Variants in ZFYVE1 observed in about 807,000 individuals in gnomAD.
ZFYVE1 encodes the protein zinc finger FYVE-type containing 1.
A neutral mutation model predicts 74.4 loss-of-function variants in ZFYVE1; 30 were observed. That is an observed-to-expected ratio of 0.40 (90% CI 0.30 to 0.55). The LOEUF (loss-of-function observed/expected upper bound fraction) is 0.55, where lower values mean the gene tolerates loss of function less well. Among genes scored for constraint, ZFYVE1 ranks in the 20% least tolerant of loss-of-function variants. ZFYVE1 has a pLI of 0.42. For synonymous variants in ZFYVE1, 335 were observed against 385.1 expected, an observed-to-expected ratio of 0.87 and a Z score of 1.52; for missense variants, 703 against 1,011.6, an observed-to-expected ratio of 0.69 and a Z score of 4.14.
rs747141523 is a variant in ZFYVE1 at position 73,017,948 on chromosome 14, G to A, written c.483+6078C>T. Among the ~76,000 whole-genome samples the A allele has an allele frequency of 5.6e-4, 85 of 152,104 alleles. 1 individual carries two copies. Among genetic ancestry groups the A allele is most frequent in the Non-Finnish European group, 1.0e-3 (68 of 68,030 alleles). ...ATCCACTTACTTCTACAGCCTGCACGGCCTCCCATGCATTGGCACCTGCTT... is the reference window on the plus strand; with the variant it reads ...ATCCACTTACTTCTACAGCCTGCACAGCCTCCCATGCATTGGCACCTGCTT... On this transcript the variant is annotated intron_variant, in intron 2 of 11. Coordinates refer to ENST00000556143, the MANE Select transcript of ZFYVE1 (RefSeq NM_021260.4).
At chr14:72,999,918 G>A (rs113918737) in intron 2 of ZFYVE1, among the ~76,000 whole-genome samples, 6 of 151,928 alleles carry the variant, frequency 3.9e-5, no homozygotes, top group Non-Finnish European at 8.8e-5. Flanking sequence ...AAAATTAGCA[G>A]AGTGTGGTGG....
intron 1 of ZFYVE1, among the ~76,000 whole-genome samples, chr14:73,025,612 C>T (rs1894442641): frequency 6.8e-6 from 1 of 147,794 alleles, no homozygotes; most frequent in Non-Finnish European, 1.5e-5. Context: ...AGGAGAATCA[C>T]TTGAACCCAG....
rs747414442 is a variant in ZFYVE1 at position 73,024,054 on chromosome 14, A to G, written c.455T>C (p.Leu152Pro). The G allele has an allele frequency of 6.2e-7, 1 of 1,614,092 alleles. No individual in the cohort carries two copies. The highest frequency in any genetic ancestry group is 8.5e-7 in the Non-Finnish European group (1 of 1,180,026). ...AATTTCTTCATTTTCGTCTACTAGG[A>G]GGAAACTCACAACCTTCTCAGTCAT... ...KKMTEKVVSFLLVDENEEIQV... is the reference protein window; with the variant it reads ...KKMTEKVVSFPLVDENEEIQV... Residue 152 changes from leucine (L) to proline (P), a missense_variant, in exon 2 of 12, where the codon CTC (leucine) becomes CCC (proline). Around this residue, in one of 2 missense-constraint regions of ZFYVE1, gnomAD observed 211 missense variants for 221.7 expected, o/e 0.95. Transcript: ENST00000556143.
intron 3 of ZFYVE1, among the ~76,000 whole-genome samples, chr14:72,995,199 A>G (rs935084771): frequency 1.4e-4 from 21 of 152,168 alleles, no homozygotes; most frequent in African/African-American, 4.8e-4. Flanking sequence ...GGTTCAAGCG[A>G]TTCTCCTGCC....
intron 8 of ZFYVE1, among the ~76,000 whole-genome samples, chr14:72,977,014 A>G (rs60978273): frequency 6.6e-6 from 1 of 152,202 alleles, no homozygotes; most frequent in African/African-American, 2.4e-5. Flanking sequence ...ATTTATGGAC[A>G]ATGCTAAGTG....
chr14:72,997,796 T>C lies in ZFYVE1; in HGVS notation c.988+15A>G. 1.9e-6 allele frequency: 3 copies of C among 1,569,178 alleles called. No homozygotes were observed. The highest frequency in any genetic ancestry group is 2.6e-6 in the Non-Finnish European group (3 of 1,152,238). On this transcript the variant is annotated intron_variant, in intron 3 of 11. Transcript: ENST00000556143. ...CCATAAAGGTTGAGCTGTGACACTG[T>C]ACCCCATCTCTCACCAGAGCCCAGT...
intron 2 of ZFYVE1, among the ~76,000 whole-genome samples, chr14:72,998,926 A>C (rs1893811203): frequency 6.6e-6 from 1 of 151,896 alleles, no homozygotes; most frequent in South Asian, 2.1e-4. Flanking sequence ...CAACATGGTG[A>C]AATCCTGTCT....
chr14:72,990,689 CTTTT>C (rs369030778), intron 4 of ZFYVE1, among the ~76,000 whole-genome samples: 6 of 66,682 alleles, frequency 9.0e-5, no homozygotes, highest in Non-Finnish European at 1.7e-4. Context: ...CGCACCTGGC[CTTTT>C]TTTTTTTTTT....
At position 72,997,845 on chromosome 14, in the gene ZFYVE1, G is replaced by A. The variant is rs771203326; in HGVS notation, c.954C>T (p.Phe318=). Residue 318 remains phenylalanine (F), a synonymous_variant, in exon 3 of 12, where the codon TTC becomes TTT. Transcript: ENST00000556143. ...GTAGCTGGGTGTGCACGGTCTCATGGAAGATGATAACTGCAGGGCCCAGTG... is the reference window on the plus strand; with the variant it reads ...GTAGCTGGGTGTGCACGGTCTCATGAAAGATGATAACTGCAGGGCCCAGTG... ...LSTLGPAVII[F]HETVHTQLLG... is the part of the protein sequence containing the mutation. 3.7e-6 allele frequency: 6 copies of A among 1,604,252 alleles called. No individual in the cohort carries two copies. The East Asian group carries it at 6.7e-5, about 18-fold the overall frequency.
At position 72,970,966 on chromosome 14, in the gene ZFYVE1, A is replaced by G. The variant is rs1312877092; in HGVS notation, c.2250T>C (p.His750=). 12 of 1,614,134 alleles carry G rather than the reference A, an allele frequency of 7.4e-6. No homozygotes were observed. The highest frequency in any genetic ancestry group is 1.0e-5 in the Non-Finnish European group (12 of 1,180,056). Residue 750 remains histidine (H), a synonymous_variant, in exon 12 of 12, where the codon CAT becomes CAC. Transcript: ENST00000556143. ...CGQGFCDECS[H]DRRAVPSRGW... Reference sequence around the variant, plus strand: ...CACGAGAAGGAACAGCCCGGCGGTCATGGGAGCACTCATCACAGAAGCCCT... The same window carrying G: ...CACGAGAAGGAACAGCCCGGCGGTCGTGGGAGCACTCATCACAGAAGCCCT...
At chr14:73,025,723 A>C (rs1056704708) in intron 1 of ZFYVE1, among the ~76,000 whole-genome samples, 4 of 151,642 alleles carry the variant, frequency 2.6e-5, no homozygotes, top group Non-Finnish European at 5.9e-5. Flanking sequence ...AAAATCTCAA[A>C]ATTGTGGCTA....
At chr14:72,996,770 C>A (rs375988438) in intron 3 of ZFYVE1, among the ~76,000 whole-genome samples, 1 of 152,170 alleles carries the variant, frequency 6.6e-6, no homozygotes, top group African/African-American at 2.4e-5. Flanking sequence ...GAACACCGTG[C>A]GGTCGCCCCA....
At chr14:73,013,241 C>T (rs1199644373) in intron 2 of ZFYVE1, among the ~76,000 whole-genome samples, 1 of 152,150 alleles carries the variant, frequency 6.6e-6, no homozygotes, top group African/African-American at 2.4e-5. Context: ...CCAAGAACTC[C>T]AGCTATGACC....
chr14:72,975,987 G>C lies in ZFYVE1; in HGVS notation c.1636-266C>G, dbSNP rs899976263. On this transcript the variant is annotated intron_variant, in intron 8 of 11. Coordinates refer to ENST00000556143, the MANE Select transcript of ZFYVE1 (RefSeq NM_021260.4). The surrounding 1 kb of genome is among the most constrained non-coding windows in gnomAD (Gnocchi z 4.1). The stretch of plus-strand genomic sequence containing the variant: ...CACCTCCTCCAGGGGGCCCCGCACC[G>C]CAGGCTGAGTTAAGAACCTTTCCTC... The C allele has an allele frequency of 1.7e-5, 6 of 361,460 alleles. No individual in the cohort carries two copies. Among genetic ancestry groups the C allele is most frequent in the Non-Finnish European group, 3.0e-5 (6 of 199,922 alleles). 22.4% of individuals were successfully genotyped at this position (361,460 alleles called of 1,614,324 possible).
rs768796835 is a variant in ZFYVE1 at position 72,971,039 on chromosome 14, T to C, written c.2177A>G (p.Lys726Arg). ...HEILHCHNCR[K>R]EFSIKLSKHH... Reference sequence around the variant, plus strand: ...CTTGGAGAGCTTGATGCTGAACTCCTTCCGGCAGTTGTGGCAGTGGAGGAT... The same window carrying C: ...CTTGGAGAGCTTGATGCTGAACTCCCTCCGGCAGTTGTGGCAGTGGAGGAT... The change falls in exon 12 of 12, where the codon AAG (lysine) becomes AGG (arginine). Residue 726 changes from lysine (K) to arginine (R), a missense_variant. By Grantham distance (26) the Lys-to-Arg change is conservative. Around this residue, in one of 2 missense-constraint regions of ZFYVE1, gnomAD observed 492 missense variants for 790.0 expected, o/e 0.62. Transcript: ENST00000556143. 1.2e-6 allele frequency: 2 copies of C among 1,614,200 alleles called. No homozygotes were observed. Among genetic ancestry groups the C allele is most frequent in the Non-Finnish European group, 1.7e-6 (2 of 1,180,034 alleles).
intron 5 of ZFYVE1, 111 bp from the exon 6 acceptor site, chr14:72,979,080 T>C: frequency 1.1e-6 from 1 of 889,134 alleles, no homozygotes. Flanking sequence ...CCTTGATTAC[T>C]AACTGGGCCT....
At chr14:73,020,036 C>T (rs1894284175) in intron 2 of ZFYVE1, among the ~76,000 whole-genome samples, 1 of 151,998 alleles carries the variant, frequency 6.6e-6, no homozygotes, top group Non-Finnish European at 1.5e-5. Flanking sequence ...GCGGGCAGGT[C>T]ACGAGGTCAA....
chr14:73,006,471 A>C (rs1366684656), intron 2 of ZFYVE1, among the ~76,000 whole-genome samples: 1 of 151,404 alleles, frequency 6.6e-6, no homozygotes, highest in Non-Finnish European at 1.5e-5. Context: ...GCTACTCGGG[A>C]GGCTAAGGCG....
intron 2 of ZFYVE1, among the ~76,000 whole-genome samples, chr14:73,006,483 G>A (rs1451045655): frequency 1.3e-5 from 2 of 151,842 alleles, no homozygotes; most frequent in East Asian, 2.0e-4. Flanking sequence ...GCTAAGGCGG[G>A]AGAATCACTT....
Sources: allele counts gnomAD v4.1 joint callset (sites outside exome capture counted in the v4.1 genomes callset), GRCh38; gene constraint gnomAD v4.1.1; regional missense constraint gnomAD v4.1.1; non-coding constraint Gnocchi (gnomAD v3.1); transcripts MANE v1.5; gene names NCBI Gene and HGNC (gene_info 2026-07-23, HGNC 2026-07-21).